Variants in CHD9 observed in about 807,000 individuals in gnomAD.
The protein encoded by CHD9 is ATP-dependent chromatin remodeler CHD9.
CHD9 carries 77 observed loss-of-function variants against 316.1 expected under a neutral mutation model. The ratio of observed to expected loss-of-function variants is 0.24; its 90% CI spans 0.20 to 0.29. The LOEUF is 0.29. CHD9 is among the 10% of genes least tolerant of loss of function. CHD9 has a pLI of 1.00. For missense variants in CHD9, 2,763 were observed against 3,438.1 expected (o/e 0.80, Z 4.91); for synonymous variants, 1,129 against 1,158.3 (o/e 0.97, Z 0.51).
At chr16:53,055,602 G>A (rs899609227) in intron 1 of CHD9, among the ~76,000 whole-genome samples, 1 of 151,222 alleles carries the variant, frequency 6.6e-6, no homozygotes, top group African/African-American at 2.4e-5. Flanking sequence ...GAGGACCCTT[G>A]ATCTAAGGAG....
intron 22 of CHD9, among the ~76,000 whole-genome samples, chr16:53,271,597 GA>G (rs904783153): frequency 1.3e-5 from 2 of 148,368 alleles, no homozygotes; most frequent in Admixed American, 6.8e-5. Flanking sequence ...AAAAGAAAAA[GA>G]AAAAAAAACA....
At chr16:53,145,127 C>T (rs969790899) in intron 1 of CHD9, among the ~76,000 whole-genome samples, 1 of 151,596 alleles carries the variant, frequency 6.6e-6, no homozygotes, top group African/African-American at 2.4e-5. Context: ...GCAGCCTGGG[C>T]ACAGTGGCTT....
intron 2 of CHD9, among the ~76,000 whole-genome samples, chr16:53,172,748 T>A (rs2152786215): frequency 6.6e-6 from 1 of 152,302 alleles, no homozygotes; most frequent in South Asian, 2.1e-4. Context: ...TGATTGTGGT[T>A]TTAATTTGTA....
rs772876848 is a variant in CHD9 at position 53,238,441 on chromosome 16, T to C, written c.2732T>C (p.Phe911Ser). 4 of 1,613,364 alleles carry C rather than the reference T, an allele frequency of 2.5e-6. No individual in the cohort carries two copies. The highest frequency in any genetic ancestry group is 3.4e-6 in the Non-Finnish European group (4 of 1,179,496). ...CTTCTGACTGGTATAAGAGGACCTTTCCTGATTATTGCTCCACTTTCTACT... is the reference window on the plus strand; with the variant it reads ...CTTCTGACTGGTATAAGAGGACCTTCCCTGATTATTGCTCCACTTTCTACT... ...EILLTGIRGP[F>S]LIIAPLSTIA... The change falls in exon 12 of 39, where the codon TTC (phenylalanine) becomes TCC (serine). Residue 911 changes from phenylalanine (F) to serine (S), a missense_variant. By Grantham distance (155) the Phe-to-Ser change is radical (BLOSUM62 -2). This residue lies in a region of CHD9 where 186 missense variants were observed against 245.0 expected (regional missense o/e 0.76). Transcript: ENST00000447540.
rs142636736 is a variant in CHD9 at position 53,224,977 on chromosome 16, A to G, written c.1897-1389A>G. Reference sequence around the variant, plus strand: ...TGTTATTTTGAGGTTTGAAATGTCAATGTCTTCATGGCCAAGAGACATTCG... The same window carrying G: ...TGTTATTTTGAGGTTTGAAATGTCAGTGTCTTCATGGCCAAGAGACATTCG... On this transcript the variant is annotated intron_variant, in intron 4 of 38. Transcript: ENST00000447540. 1.5e-4 allele frequency among the ~76,000 whole-genome samples: 23 copies of G among 152,276 alleles called. No homozygotes were observed. In the East Asian group the frequency reaches 3.7e-3, roughly 24 times the overall value.
intron 1 of CHD9, among the ~76,000 whole-genome samples, chr16:53,094,574 G>A (rs900307996): frequency 2.6e-5 from 4 of 151,766 alleles, no homozygotes; most frequent in South Asian, 2.1e-4. Flanking sequence ...TTTATTTCCC[G>A]TCTCTCAACA....
chr16:53,270,061 G>T (rs2052087622), intron 22 of CHD9, among the ~76,000 whole-genome samples: 1 of 151,834 alleles, frequency 6.6e-6, no homozygotes, highest in Non-Finnish European at 1.5e-5. Flanking sequence ...CTAGAGTGTT[G>T]TGACGTGAAC....
At chr16:53,136,793 G>C (rs1052405505) in intron 1 of CHD9, among the ~76,000 whole-genome samples, 1 of 152,072 alleles carries the variant, frequency 6.6e-6, no homozygotes, top group Admixed American at 6.6e-5. Flanking sequence ...CACCCTGAAA[G>C]CTTTCCTTAT....
Position 53,156,476 on chromosome 16 carries a change from A to T in CHD9, c.387A>T (p.Thr129=). The change falls in exon 2 of 39, where the codon ACA becomes ACT. Residue 129 remains threonine (T), a synonymous_variant. Transcript: ENST00000447540. The stretch of plus-strand genomic sequence containing the variant: ...GCAGTCCAATGTGGGGCCATCAGAC[A>T]GCTACTACCATTTCAAATCAAAATG... ...SDGSPMWGHQ[T]ATTISNQNGS... 1 of 1,613,994 alleles carries T rather than the reference A, an allele frequency of 6.2e-7. No homozygotes were observed. Among genetic ancestry groups the T allele is most frequent in the Non-Finnish European group, 8.5e-7 (1 of 1,179,884 alleles).
chr16:53,199,385 A>T (rs1345139098), intron 2 of CHD9, among the ~76,000 whole-genome samples: 1 of 152,190 alleles, frequency 6.6e-6, no homozygotes, highest in African/African-American at 2.4e-5. Context: ...ATATATATTC[A>T]TATAGACAAA....
At position 53,209,548 on chromosome 16, in the gene CHD9, G is replaced by C; in HGVS notation, c.1519G>C (p.Val507Leu). The C allele has an allele frequency of 6.2e-7, 1 of 1,613,830 alleles. No individual in the cohort carries two copies. Among genetic ancestry groups the C allele is most frequent in the Middle Eastern group, 1.6e-4 (1 of 6,062 alleles). The change falls in exon 3 of 39, where the codon GTC becomes CTC. Residue 507 changes from valine to leucine, a missense_variant. This residue lies in a region of CHD9 where 859 missense variants were observed against 890.4 expected (regional missense o/e 0.96). Transcript: ENST00000447540. Reference sequence around the variant, plus strand: ...TAAGTTGCAGAATACCCAGGTGAGGGTCATGTCTGAGAAGAAGCAGAGAAA... The same window carrying C: ...TAAGTTGCAGAATACCCAGGTGAGGCTCATGTCTGAGAAGAAGCAGAGAAA... Reference protein sequence around the residue: ...YTKLQNTQVRVMSEKKQRKKV... With the variant: ...YTKLQNTQVRLMSEKKQRKKV...
intron 1 of CHD9, among the ~76,000 whole-genome samples, chr16:53,097,984 G>A (rs2036523344): frequency 6.6e-6 from 1 of 151,882 alleles, no homozygotes; most frequent in South Asian, 2.1e-4. Context: ...GCCAGGTGTG[G>A]TGGCAGGTGC....
intron 29 of CHD9, among the ~76,000 whole-genome samples, chr16:53,293,703 C>A (rs888809823): frequency 2.6e-5 from 4 of 152,146 alleles, no homozygotes; most frequent in African/African-American, 9.7e-5. Context: ...GTAATCCCAG[C>A]ACTTTGGGAG....
At chr16:53,237,364 C>G (rs2045310385) in intron 11 of CHD9, among the ~76,000 whole-genome samples, 1 of 152,120 alleles carries the variant, frequency 6.6e-6, no homozygotes. Context: ...TTCTAGTCAC[C>G]TCAACCTCTA....
At chr16:53,203,461 T>C (rs903209496) in intron 2 of CHD9, among the ~76,000 whole-genome samples, 1 of 152,164 alleles carries the variant, frequency 6.6e-6, no homozygotes, top group African/African-American at 2.4e-5. Context: ...ACTGGTTCTC[T>C]TCTGTTATTC....
chr16:53,279,072 C>T (rs540374071), intron 24 of CHD9, among the ~76,000 whole-genome samples: 228 of 152,226 alleles, frequency 1.5e-3, no homozygotes, highest in African/African-American at 5.2e-3. Context: ...ACGTATATTG[C>T]GGCACTATTC....
chr16:53,235,371 A>G, intron 11 of CHD9, 65 bp downstream of exon 11: 1 of 1,136,752 alleles, frequency 8.8e-7, no homozygotes, highest in South Asian at 1.6e-5. Flanking sequence ...TGTCAAGTAA[A>G]ATAGATACTG....
chr16:53,227,958 C>T (rs1479385320), intron 7 of CHD9, among the ~76,000 whole-genome samples: 1 of 151,890 alleles, frequency 6.6e-6, no homozygotes, highest in Non-Finnish European at 1.5e-5. Flanking sequence ...TGGTGGCACG[C>T]ACCTGTAGTC....
intron 1 of CHD9, among the ~76,000 whole-genome samples, chr16:53,119,273 G>A (rs1019532596): frequency 1.3e-5 from 2 of 151,910 alleles, no homozygotes; most frequent in African/African-American, 4.8e-5. Flanking sequence ...CCTCAATAAA[G>A]CTGGGGAGGG....
Sources: gnomAD v4.1 joint callset for allele counts (sites outside exome capture counted in the v4.1 genomes callset) on GRCh38, gnomAD v4.1.1 for gene constraint, gnomAD v4.1.1 regional missense constraint, MANE v1.5 for transcripts, NCBI Gene and HGNC (gene_info 2026-07-23, HGNC 2026-07-21) for gene names.